The following ZBTB1 variants were observed in gnomAD, a reference collection of about 807,000 sequenced individuals.
ZBTB1 encodes zinc finger and BTB domain-containing protein 1.
A neutral mutation model predicts 51.6 loss-of-function variants in ZBTB1; 13 were observed. The ratio of observed to expected loss-of-function variants is 0.25; its 90% CI spans 0.16 to 0.40. The LOEUF is 0.40. Ranked by LOEUF, ZBTB1 falls within the 10% of genes least tolerant of loss-of-function variation. The pLI, the probability that ZBTB1 is intolerant of heterozygous loss-of-function variation, is 1.00. For synonymous variants in ZBTB1, 240 were observed against 282.2 expected (o/e 0.85, Z 1.50); for missense variants, 567 against 856.5 (o/e 0.66, Z 4.22).
At chr14:64,511,334 G>A (rs947436833) in intron 1 of ZBTB1, 6 of 151,542 alleles carry the variant, frequency 4.0e-5, no homozygotes, top group African/African-American at 1.5e-4. Flanking sequence ...TTCTGGAGAG[G>A]GAGAGAGGAA....
At chr14:64,533,221 C>A (rs921608217) in exon 3 of ZBTB1, 2 of 151,842 alleles carry the variant, frequency 1.3e-5, no homozygotes, top group African/African-American at 2.4e-5. Context: ...GAGAGAAAAA[C>A]CCACTGAAGG....
At chr14:64,503,957 C>T (rs2167766), upstream of ZBTB1, 1 of 152,122 alleles carries the variant, frequency 6.6e-6, no homozygotes, top group Non-Finnish European at 1.5e-5. Context: ...CGCCACAGTT[C>T]GCAGTTGTGA....
At position 64,522,288 on chromosome 14, in the gene ZBTB1, A is replaced by G; in HGVS notation, c.784A>G (p.Ser262Gly). 1 of 1,614,234 alleles carries G rather than the reference A, an allele frequency of 6.2e-7. No individual in the cohort carries two copies. Among genetic ancestry groups the G allele is most frequent in the Non-Finnish European group, 8.5e-7 (1 of 1,180,034 alleles). ...RIVDIRDGKD[S>G]NIKAEFGEKD... ...AGTAGATATTAGAGATGGAAAAGAC[A>G]GTAACATCAAAGCTGAATTTGGTGA... The change falls in exon 2 of 2, where the codon AGT (serine) becomes GGT (glycine). Residue 262 changes from serine (S) to glycine (G), a missense_variant. Around this residue, in one of 5 missense-constraint regions of ZBTB1, gnomAD observed 329 missense variants for 406.3 expected, o/e 0.81. Coordinates refer to ENST00000683701, the MANE Select transcript of ZBTB1 (RefSeq NM_001123329.2).
exon 3 of ZBTB1, chr14:64,532,434 A>C (rs2079948973): frequency 6.6e-6 from 1 of 152,364 alleles, no homozygotes; most frequent in African/African-American, 2.4e-5. Flanking sequence ...AAAAAAATTT[A>C]AGACCAATAT....
intron 1 of ZBTB1, among the ~76,000 whole-genome samples, chr14:64,513,618 T>C (rs938072632): frequency 6.6e-6 from 1 of 152,228 alleles, no homozygotes; most frequent in African/African-American, 2.4e-5. Context: ...TTAACGCTTT[T>C]CTTCTAAACT....
chr14:64,528,788 G>A (rs965247159), downstream of ZBTB1, among the ~76,000 whole-genome samples: 4 of 152,148 alleles, frequency 2.6e-5, no homozygotes, highest in African/African-American at 9.7e-5. Flanking sequence ...GCCTTATGAG[G>A]TAAGTATCAT....
Position 64,523,512 on chromosome 14 carries a change from A to C in ZBTB1, c.2008A>C (p.Ile670Leu). The C allele has an allele frequency of 1.9e-6, 3 of 1,600,462 alleles. No homozygotes were observed. The highest frequency in any genetic ancestry group is 2.6e-6 in the Non-Finnish European group (3 of 1,172,790). ...GETICQVCFQ[I>L]FPNNEQLEQH... ...GACTATATGCCAGGTCTGCTTTCAGATATTCCCAAATAATGAACAGTTGGA... is the reference window on the plus strand; with the variant it reads ...GACTATATGCCAGGTCTGCTTTCAGCTATTCCCAAATAATGAACAGTTGGA... Residue 670 changes from isoleucine to leucine, a missense_variant, in exon 2 of 2, where the codon ATA becomes CTA. Physicochemically the swap from Ile to Leu is conservative, Grantham distance 5 (BLOSUM62 2). This residue lies in a region of ZBTB1 where 69 missense variants were observed against 171.8 expected (regional missense o/e 0.40). Coordinates refer to ENST00000683701, the MANE Select transcript of ZBTB1 (RefSeq NM_001123329.2). This position sits in a 1 kb window ranked among gnomAD's most constrained non-coding sequence, Gnocchi z 4.5.
chr14:64,524,970 A>G (rs540862971), downstream of ZBTB1: 1 of 976,666 alleles, frequency 1.0e-6, no homozygotes, highest in Non-Finnish European at 1.2e-6. Context: ...AATGTGAATT[A>G]CTTGCAATGT....
At position 64,504,811 on chromosome 14, in the gene ZBTB1, A is replaced by C. The variant is rs1354160959; in HGVS notation, c.-154A>C. ...TGGCAGAGCCAGAGCCTCTCCGCGC[A>C]GCCCAGCCCGAGCGCCGAGCGCCGC... On this transcript the variant is annotated 5_prime_UTR_variant, in exon 1 of 2. Transcript: ENST00000683701. The C allele has an allele frequency of 7.7e-6, 3 of 388,060 alleles. No individual in the cohort carries two copies. The highest frequency in any genetic ancestry group is 1.4e-5 in the Non-Finnish European group (3 of 219,232). The allele number at this position is 388,060 out of a possible 1,614,324, so 24.0% of individuals were successfully genotyped here.
intron 1 of ZBTB1, among the ~76,000 whole-genome samples, chr14:64,519,145 GCTA>G (rs2079830719): frequency 7.0e-6 from 1 of 143,458 alleles, no homozygotes; most frequent in Non-Finnish European, 1.5e-5. Flanking sequence ...TGAATTTTTT[GCTA>G]CTTTTTTTTT....
intron 1 of ZBTB1, among the ~76,000 whole-genome samples, chr14:64,511,905 G>GCTAA (rs2079728338): frequency 6.6e-6 from 1 of 152,192 alleles, no homozygotes; most frequent in Non-Finnish European, 1.5e-5. Context: ...TGTGTAGGCT[G>GCTAA]CAGTTAGAGT....
chr14:64,516,683 C>T (rs1296174265), intron 1 of ZBTB1: 1 of 152,198 alleles, frequency 6.6e-6, no homozygotes, highest in Non-Finnish European at 1.5e-5. Flanking sequence ...AAAAATTCCT[C>T]AAATGAATAC....
At position 64,524,246 on chromosome 14, in the gene ZBTB1, A is replaced by C; in HGVS notation, c.*600A>C. ...CTAAAAAGATTGATGAACCTGAGGA[A>C]ATTTTTATAAATGAATATTTCCTAT... On this transcript the variant is annotated 3_prime_UTR_variant, in exon 2 of 2. Transcript: ENST00000683701. The C allele has an allele frequency of 1.0e-6, 1 of 975,210 alleles. No homozygotes were observed. The highest frequency in any genetic ancestry group is 1.2e-6 in the Non-Finnish European group (1 of 820,772). The allele number at this position is 975,210 out of a possible 1,614,324, so 60.4% of individuals were successfully genotyped here.
chr14:64,517,781 A>ATATATATTTT (rs1160337478), intron 1 of ZBTB1, among the ~76,000 whole-genome samples: 6 of 41,560 alleles, frequency 1.4e-4, no homozygotes, highest in African/African-American at 2.7e-4. Context: ...ATATATATAT[A>ATATATATTTT]TTTTTTTTTT....
At chr14:64,525,046 T>C (rs542758941), downstream of ZBTB1, 1 of 545,922 alleles carries the variant, frequency 1.8e-6, no homozygotes, top group East Asian at 1.5e-4. Flanking sequence ...AATTTGTGAT[T>C]CTGAACACTA....
intron 2 of ZBTB1, among the ~76,000 whole-genome samples, chr14:64,531,323 C>A (rs866771281): frequency 1.3e-4 from 19 of 151,992 alleles, no homozygotes; most frequent in Admixed American, 9.8e-4. Context: ...ATCACTAGGG[C>A]AGATTAGGAG....
At position 64,522,521 on chromosome 14, in the gene ZBTB1, G is replaced by T. The variant is rs779776369; in HGVS notation, c.1017G>T (p.Leu339=). 6.2e-7 allele frequency: 1 copy of T among 1,614,032 alleles called. No homozygotes were observed. Among genetic ancestry groups the T allele is most frequent in the South Asian group, 1.1e-5 (1 of 91,062 alleles). Reference sequence around the variant, plus strand: ...CAGAAGATATTCCTACAGATGAACTGAAAGACTTTAACATTATTAAAGTTA... The same window carrying T: ...CAGAAGATATTCCTACAGATGAACTTAAAGACTTTAACATTATTAAAGTTA... ...MEPEDIPTDE[L]KDFNIIKVTD... is the part of the protein sequence containing the mutation. Residue 339 remains leucine (L), a synonymous_variant, in exon 2 of 2, where the codon CTG becomes CTT. Transcript: ENST00000683701.
chr14:64,520,092 C>G (rs1315738011), intron 1 of ZBTB1, among the ~76,000 whole-genome samples: 1 of 152,004 alleles, frequency 6.6e-6, no homozygotes, highest in Non-Finnish European at 1.5e-5. Context: ...AGCTCCGCCT[C>G]CCAGGTTCAT....
intron 1 of ZBTB1, 91 bp from the exon 2 acceptor site, chr14:64,521,396 C>CAA (rs10624421): frequency 0.83 from 782,192 of 947,866 alleles, 323,878 homozygotes; most frequent in East Asian, 0.89. Context: ...ATTGTAATAG[C>CAA]AGTCATGCAA....
Sources: allele counts gnomAD v4.1 joint callset (sites outside exome capture counted in the v4.1 genomes callset), GRCh38; gene constraint gnomAD v4.1.1; regional missense constraint gnomAD v4.1.1; non-coding constraint Gnocchi (gnomAD v3.1); transcripts MANE v1.5; gene names NCBI Gene and HGNC (gene_info 2026-07-23, HGNC 2026-07-21).